Variants in PDE7B observed in about 807,000 individuals in gnomAD.
PDE7B encodes the protein phosphodiesterase 7B.
A neutral mutation model predicts 56.2 loss-of-function variants in PDE7B; 29 were observed. That is an observed-to-expected ratio of 0.52 (90% CI 0.38 to 0.70). PDE7B has a LOEUF of 0.70. PDE7B is among the 30% of genes least tolerant of loss of function. PDE7B has a pLI of 0.00. For synonymous variants in PDE7B, 197 were observed against 196.9 expected (o/e 1.00, Z 0.00); for missense variants, 490 against 565.0 (o/e 0.87, Z 1.35).
chr6:135,968,881 C>A (rs1172607464), intron 2 of PDE7B, among the ~76,000 whole-genome samples: 1 of 152,080 alleles, frequency 6.6e-6, no homozygotes, highest in Non-Finnish European at 1.5e-5. Context: ...AAGATGAAAT[C>A]AACCCAAATG....
chr6:136,177,990 A>G (rs1013881815), intron 9 of PDE7B, among the ~76,000 whole-genome samples: 1 of 152,218 alleles, frequency 6.6e-6, no homozygotes, highest in African/African-American at 2.4e-5. Flanking sequence ...AGGAATTTCA[A>G]AAACATAATG....
Position 136,154,095 on chromosome 6 carries a change from C to G in PDE7B, c.499C>G (p.His167Asp), listed in dbSNP as rs758082688. 6.2e-7 allele frequency: 1 copy of G among 1,613,502 alleles called. No homozygotes were observed. The highest frequency in any genetic ancestry group is 1.7e-5 in the Admixed American group (1 of 59,984). ...RFLVMVQEDY[H>D]SQNPYHNAVH... is the part of the protein sequence containing the mutation. ...CCCAGTCATGGTTCAAGAAGATTAC[C>G]ACAGCCAAAACCCGTATCACAATGC... Residue 167 changes from histidine to aspartate, a missense_variant, in exon 7 of 13, where the codon CAC becomes GAC. Transcript: ENST00000308191.
At chr6:136,025,491 G>A (rs1225378428) in intron 2 of PDE7B, among the ~76,000 whole-genome samples, 1 of 152,130 alleles carries the variant, frequency 6.6e-6, no homozygotes, top group Admixed American at 6.5e-5. Flanking sequence ...GGACAGAAAC[G>A]AGGAATGCAA....
intron 1 of PDE7B, among the ~76,000 whole-genome samples, chr6:135,879,362 TCCAA>T (rs1304137966): frequency 1.3e-5 from 2 of 152,014 alleles, no homozygotes; most frequent in African/African-American, 2.4e-5. Flanking sequence ...AAAGAAAAAC[TCCAA>T]CCAGTCAAAA....
chr6:136,080,469 T>C (rs1777189275), intron 2 of PDE7B, among the ~76,000 whole-genome samples: 2 of 152,178 alleles, frequency 1.3e-5, no homozygotes, highest in Non-Finnish European at 2.9e-5. Context: ...TGTGGAAATA[T>C]GAGAAAAAGA....
chr6:135,862,294 G>A (rs1020164753), intron 1 of PDE7B, among the ~76,000 whole-genome samples: 8 of 151,454 alleles, frequency 5.3e-5, no homozygotes, highest in Non-Finnish European at 1.0e-4. Flanking sequence ...AATACTTTTC[G>A]TATGACTTTT....
chr6:135,987,061 G>A (rs1775388608), intron 2 of PDE7B, among the ~76,000 whole-genome samples: 1 of 152,194 alleles, frequency 6.6e-6, no homozygotes, highest in African/African-American at 2.4e-5. Flanking sequence ...CCTCATATCT[G>A]TAAAGTAATA....
intron 1 of PDE7B, among the ~76,000 whole-genome samples, chr6:135,877,360 T>G (rs1775517371): frequency 2.4e-4 from 5 of 20,918 alleles, no homozygotes; most frequent in Admixed American, 1.7e-3. Context: ...ACACATTCCT[T>G]TTTTTTTTTT....
At chr6:135,966,198 C>T (rs1451348501) in intron 2 of PDE7B, among the ~76,000 whole-genome samples, 1 of 152,132 alleles carries the variant, frequency 6.6e-6, no homozygotes, top group Non-Finnish European at 1.5e-5. Context: ...GCAATCTCGT[C>T]CTTAGAAAAC....
At chr6:135,864,715 G>T (rs1172143063) in intron 1 of PDE7B, among the ~76,000 whole-genome samples, 1 of 151,874 alleles carries the variant, frequency 6.6e-6, no homozygotes, top group Non-Finnish European at 1.5e-5. Flanking sequence ...TCGTGATATT[G>T]TTTAACAATT....
chr6:135,924,675 CTT>C lies in PDE7B; in HGVS notation c.22-22777_22-22776del, dbSNP rs11356421. ...GTCACCTCTAAGTATTTTTGTTTTTCTTTTTTTTTTTTTGAGTGGCAGAATCT... is the reference window on the plus strand; with the variant it reads ...GTCACCTCTAAGTATTTTTGTTTTTCTTTTTTTTTTTGAGTGGCAGAATCT... On this transcript the variant is annotated intron_variant, in intron 1 of 12. Coordinates refer to ENST00000308191, the MANE Select transcript of PDE7B (RefSeq NM_018945.4). 4.2e-3 allele frequency among the ~76,000 whole-genome samples: 349 copies of C among 82,668 alleles called. 3 individuals are homozygous for C. Among genetic ancestry groups the C allele is most frequent in the East Asian group, 0.035 (117 of 3,388 alleles). 54.2% of individuals were successfully genotyped at this position (82,668 alleles called of 152,430 possible).
intron 5 of PDE7B, among the ~76,000 whole-genome samples, chr6:136,149,428 A>G (rs982784318): frequency 6.6e-6 from 1 of 152,222 alleles, no homozygotes; most frequent in African/African-American, 2.4e-5. Context: ...TTCTTGCAGA[A>G]TATTTTGGCC....
chr6:136,168,771 C>T (rs916062071), intron 8 of PDE7B, among the ~76,000 whole-genome samples: 3 of 152,094 alleles, frequency 2.0e-5, no homozygotes, highest in Non-Finnish European at 4.4e-5. Flanking sequence ...TCTACTCAAT[C>T]ATTATTCAAA....
At chr6:136,047,536 A>G (rs1411953035) in intron 2 of PDE7B, 1 of 151,890 alleles carries the variant, frequency 6.6e-6, no homozygotes, top group African/African-American at 2.4e-5. Context: ...GACTAAAACA[A>G]ATTTTGTTTT....
rs528992389 is a variant in PDE7B, at chr6:135,967,569, C to T, written c.82+20045C>T. 4.6e-5 allele frequency among the ~76,000 whole-genome samples: 7 copies of T among 152,268 alleles called. No homozygotes were observed. The South Asian group carries it at 1.5e-3, about 32-fold the overall frequency. On this transcript the variant is annotated intron_variant, in intron 2 of 12. Coordinates refer to ENST00000308191, the MANE Select transcript of PDE7B (RefSeq NM_018945.4). ...CTGAAATCTGTGACCTTGGATCAGG[C>T]ACAACAACCTATCTGCTCTCAGGCA... is the stretch of plus-strand genomic sequence containing the variant.
chr6:136,156,162 A>AGTGTTT (rs1554283553), intron 8 of PDE7B: 2 of 248,158 alleles, frequency 8.1e-6, no homozygotes, highest in African/African-American at 2.6e-5. Flanking sequence ...GAATGATCCA[A>AGTGTTT]GTGTGTGTGT....
At chr6:135,935,417 T>A (rs189233099) in intron 1 of PDE7B, among the ~76,000 whole-genome samples, 67 of 151,372 alleles carry the variant, frequency 4.4e-4, no homozygotes, top group African/African-American at 1.5e-3. Context: ...AATTTAAGTA[T>A]AACTTTATTC....
chr6:135,909,733 T>A (rs1776179048), intron 1 of PDE7B, among the ~76,000 whole-genome samples: 1 of 152,220 alleles, frequency 6.6e-6, no homozygotes, highest in African/African-American at 2.4e-5. Flanking sequence ...TTTTAACTGC[T>A]TTCTGGAGTT....
intron 1 of PDE7B, among the ~76,000 whole-genome samples, chr6:135,930,546 C>T (rs924227063): frequency 1.5e-4 from 23 of 152,018 alleles, no homozygotes; most frequent in African/African-American, 5.6e-4. Context: ...GCAGTGAGGA[C>T]TGAGGGCCCA....
Sources: allele counts gnomAD v4.1 joint callset (sites outside exome capture counted in the v4.1 genomes callset), GRCh38; gene constraint gnomAD v4.1.1; transcripts MANE v1.5; gene names NCBI Gene and HGNC (gene_info 2026-07-23, HGNC 2026-07-21).